Variants in CHD9 observed in about 807,000 individuals in gnomAD.
CHD9 encodes the protein ATP-dependent chromatin remodeler CHD9.
Under a neutral mutation model 316.1 loss-of-function variants are expected in CHD9, and 77 were observed. The observed-to-expected ratio is 0.24, with a 90% CI of 0.20 to 0.29. The LOEUF is 0.29. Ranked by LOEUF, CHD9 falls within the 10% of genes least tolerant of loss-of-function variation. CHD9 has a pLI of 1.00. For missense variants in CHD9, 2,763 were observed against 3,438.1 expected (o/e 0.80, Z 4.91); for synonymous variants, 1,129 against 1,158.3 (o/e 0.97, Z 0.51).
Position 53,156,327 on chromosome 16 carries a change from C to T in CHD9, c.238C>T (p.His80Tyr). The change falls in exon 2 of 39, where the codon CAC (histidine) becomes TAC (tyrosine). Residue 80 changes from histidine (H) to tyrosine (Y), a missense_variant. Physicochemically the swap from His to Tyr is moderately conservative, Grantham distance 83. This residue lies in a region of CHD9 where 859 missense variants were observed against 890.4 expected (regional missense o/e 0.96). Coordinates refer to ENST00000447540, the MANE Select transcript of CHD9 (RefSeq NM_001308319.2). ...AAATCAATTTGATTCAATAAAATTT[C>T]ACCATGTTAATCAATCTTTTGGTAG... Reference protein sequence around the residue: ...QLNQFDSIKFHHVNQSFGSPA... With the variant: ...QLNQFDSIKFYHVNQSFGSPA... 6.2e-7 allele frequency: 1 copy of T among 1,613,954 alleles called. No homozygotes were observed. The highest frequency in any genetic ancestry group is 2.2e-5 in the East Asian group (1 of 44,890).
Position 53,327,455 on chromosome 16 carries a change from T to C in CHD9, c.*2560T>C, listed in dbSNP as rs2153127918. ...TTTCTATGATGTTCTATAGAGCAAA[T>C]GGAAGTTTAATTATTTTTTATTAAA... On this transcript the variant is annotated 3_prime_UTR_variant, in exon 39 of 39. Transcript: ENST00000447540. 1 of 152,710 alleles carries C rather than the reference T, an allele frequency of 6.5e-6. No individual in the cohort carries two copies. The highest frequency in any genetic ancestry group is 6.5e-5 in the Admixed American group (1 of 15,288). The allele number at this position is 152,710 out of a possible 1,614,324, so 9.5% of individuals were successfully genotyped here. A position where few individuals can be genotyped will look rare whatever the true frequency, so the allele number is the denominator to read the frequency against.
At chr16:53,212,172 C>T (rs2046381977) in intron 3 of CHD9, among the ~76,000 whole-genome samples, 1 of 151,988 alleles carries the variant, frequency 6.6e-6, no homozygotes, top group Admixed American at 6.6e-5. Flanking sequence ...GAGGCCGAGG[C>T]GGGCGGATCA....
At chr16:53,206,468 G>C (rs2045906762) in intron 2 of CHD9, among the ~76,000 whole-genome samples, 1 of 151,874 alleles carries the variant, frequency 6.6e-6, no homozygotes, top group African/African-American at 2.4e-5. Context: ...TATGATAGTT[G>C]AACCAAACAT....
chr16:53,122,583 G>T, intron 1 of CHD9, among the ~76,000 whole-genome samples: 1 of 145,394 alleles, frequency 6.9e-6, no homozygotes. Flanking sequence ...CTCACTCTGT[G>T]GCCCAGGCTG....
intron 2 of CHD9, among the ~76,000 whole-genome samples, chr16:53,190,937 TC>T (rs1326455295): frequency 6.6e-6 from 1 of 152,134 alleles, no homozygotes; most frequent in African/African-American, 2.4e-5. Context: ...CATTTTAAAA[TC>T]AATTTTATTG....
At chr16:53,319,027 A>G (rs2057080852) in intron 37 of CHD9, among the ~76,000 whole-genome samples, 1 of 152,208 alleles carries the variant, frequency 6.6e-6, no homozygotes, top group African/African-American at 2.4e-5. Context: ...TGAATGATGA[A>G]TGATAGAGTG....
At chr16:53,076,280 A>T (rs191576874) in intron 1 of CHD9, among the ~76,000 whole-genome samples, 2,366 of 152,270 alleles carry the variant, frequency 0.016, 23 homozygotes, top group Non-Finnish European at 0.024. Context: ...TTAAAAAAAA[A>T]TTATTTTAAT....
chr16:53,165,880 G>T (rs904002968), intron 2 of CHD9, among the ~76,000 whole-genome samples: 2 of 152,012 alleles, frequency 1.3e-5, no homozygotes, highest in East Asian at 1.9e-4. Context: ...GAAGAAAAAT[G>T]ACTTATAAAA....
chr16:53,212,320 G>A (rs1243605596), intron 3 of CHD9, among the ~76,000 whole-genome samples: 2 of 151,908 alleles, frequency 1.3e-5, no homozygotes, highest in Non-Finnish European at 2.9e-5. Context: ...CAGGAGAATG[G>A]CGTGAACCTG....
chr16:53,299,579 C>T (rs532453824), intron 30 of CHD9: 2 of 401,632 alleles, frequency 5.0e-6, no homozygotes, highest in South Asian at 4.3e-5. Flanking sequence ...TATTAACCCT[C>T]CAAAAGCTGG....
intron 1 of CHD9, among the ~76,000 whole-genome samples, chr16:53,094,553 A>G (rs2036223018): frequency 6.6e-6 from 1 of 151,720 alleles, no homozygotes; most frequent in Non-Finnish European, 1.5e-5. Flanking sequence ...GGAAACACAC[A>G]CACACCCTGC....
intron 30 of CHD9, among the ~76,000 whole-genome samples, chr16:53,297,943 T>C (rs558511720): frequency 6.7e-4 from 102 of 152,348 alleles, no homozygotes; most frequent in African/African-American, 2.5e-3. Context: ...TGGAAAACCA[T>C]AAATGAGGTT....
intron 1 of CHD9, among the ~76,000 whole-genome samples, chr16:53,141,616 T>C (rs1411683284): frequency 6.6e-6 from 1 of 152,236 alleles, no homozygotes; most frequent in Non-Finnish European, 1.5e-5. Flanking sequence ...GTCATGGCAT[T>C]ATTGAATTCC....
At chr16:53,088,092 G>A (rs1330329893) in intron 1 of CHD9, among the ~76,000 whole-genome samples, 1 of 151,948 alleles carries the variant, frequency 6.6e-6, no homozygotes, top group African/African-American at 2.4e-5. Flanking sequence ...TTACGTCTTG[G>A]CTCCATATTC....
Position 53,263,098 on chromosome 16 carries a change from G to T in CHD9, c.4320+1G>T. 1 of 1,605,308 alleles carries T rather than the reference G, an allele frequency of 6.2e-7. No homozygotes were observed. The highest frequency in any genetic ancestry group is 8.5e-7 in the Non-Finnish European group (1 of 1,174,002). On this transcript the variant is annotated splice_donor_variant, in intron 20 of 38. Coordinates refer to ENST00000447540, the MANE Select transcript of CHD9 (RefSeq NM_001308319.2). LOFTEE classifies it high-confidence loss of function. ...AGATATAGAGGCCATCAGTGGCAGA[G>T]TAAGTATTTTTATCCCTCTAAAATA...
intron 17 of CHD9, among the ~76,000 whole-genome samples, chr16:53,252,501 T>G (rs893011988): frequency 2.6e-4 from 40 of 152,158 alleles, no homozygotes; most frequent in South Asian, 4.1e-4. Context: ...GGCAAAGATT[T>G]CATGACTAAG....
chr16:53,062,275 G>A (rs2032998693), intron 1 of CHD9, among the ~76,000 whole-genome samples: 1 of 152,186 alleles, frequency 6.6e-6, no homozygotes, highest in Admixed American at 6.5e-5. Flanking sequence ...TGTTAAAACT[G>A]TAACAATCTA....
chr16:53,092,193 GC>G (rs1416110529), intron 1 of CHD9, among the ~76,000 whole-genome samples: 14 of 152,184 alleles, frequency 9.2e-5, no homozygotes, highest in Admixed American at 1.3e-4. Context: ...CAGTAAATCA[GC>G]CAAGCCCTGG....
At chr16:53,205,974 CAG>C (rs1352866876) in intron 2 of CHD9, among the ~76,000 whole-genome samples, 1 of 151,824 alleles carries the variant, frequency 6.6e-6, no homozygotes, top group African/African-American at 2.4e-5. Flanking sequence ...TAAATTAAGA[CAG>C]AGTTTCACTC....
Sources: gnomAD v4.1 joint callset for allele counts (sites outside exome capture counted in the v4.1 genomes callset) on GRCh38, gnomAD v4.1.1 for gene constraint, gnomAD v4.1.1 regional missense constraint, MANE v1.5 for transcripts, NCBI Gene and HGNC (gene_info 2026-07-23, HGNC 2026-07-21) for gene names.